KRT23: variants seen among roughly 807,000 people sequenced by gnomAD.
KRT23 encodes keratin, type I cytoskeletal 23.
In KRT23, 38 loss-of-function variants were observed where a neutral mutation model predicts 47.6. The ratio of observed to expected loss-of-function variants is 0.80; its 90% confidence interval spans 0.62 to 1.05. The LOEUF (loss-of-function observed/expected upper bound fraction) is 1.05. KRT23 is among the 50% of genes least tolerant of loss of function. The probability of loss-of-function intolerance (pLI) is 0.00; values close to 1 mark genes in which losing one functional copy is unlikely to be tolerated. For synonymous variants in KRT23, 191 were observed against 199.0 expected (o/e 0.96, Z 0.34); for missense variants, 503 against 529.5 (o/e 0.95, Z 0.49).
At position 40,922,824 on chromosome 17, in the gene KRT23, AG is replaced by A; in HGVS notation, c.*164del. On this transcript the variant is annotated 3_prime_UTR_variant, in exon 9 of 9. Transcript: ENST00000209718. ...TTGATTAGAAAAGTGCAATATATTA[AG>A]AGCATTATGAGAAGTCTGGTGAGAC... is the stretch of plus-strand genomic sequence containing the variant. The A allele has an allele frequency of 5.1e-6, 3 of 582,610 alleles. No individual in the cohort carries two copies. Among genetic ancestry groups the A allele is most frequent in the Non-Finnish European group, 9.2e-6 (3 of 327,414 alleles). 36.1% of individuals were successfully genotyped at this position (582,610 alleles called of 1,614,324 possible). A position where few individuals can be genotyped will look rare whatever the true frequency, so the allele number is the denominator to read the frequency against.
In KRT23 at chr17:40,931,481, A is replaced by C. The variant is rs369428343; in HGVS notation, c.397-26T>G. The stretch of plus-strand genomic sequence containing the variant: ...CTGTAAAACATGCACAAAAGCACAA[A>C]AGGTTATCTCACTTGGACACACCCA... On this transcript the variant is annotated intron_variant, in intron 2 of 8. Transcript: ENST00000209718. The C allele has an allele frequency of 5.5e-5, 86 of 1,565,770 alleles. No homozygotes were observed. In the African/African-American group the frequency reaches 1.1e-3, roughly 21 times the overall value.
At position 40,928,348 on chromosome 17, in the gene KRT23, A is replaced by G; in HGVS notation, c.811T>C (p.Ser271Pro). The change falls in exon 6 of 9, where the codon TCC becomes CCC. Residue 271 changes from serine (S) to proline (P), a missense_variant. Ser to Pro is a moderately conservative substitution (Grantham distance 74). Coordinates refer to ENST00000209718, the MANE Select transcript of KRT23 (RefSeq NM_015515.5). ...GTGGCTGGACTGGCTGCCTCCTGGG[A>G]CATGGCTGCAGACTGTGGGACCAAG... ...TWYKEQSAAMSQEAASPATVQ... is the reference protein window; with the variant it reads ...TWYKEQSAAMPQEAASPATVQ... 1.2e-6 allele frequency: 2 copies of G among 1,614,198 alleles called. No homozygotes were observed. Among genetic ancestry groups the G allele is most frequent in the Non-Finnish European group, 1.7e-6 (2 of 1,180,028 alleles).
At position 40,925,499 on chromosome 17, in the gene KRT23, T is replaced by C; in HGVS notation, c.997A>G (p.Ile333Val). ...GTCAGTTCCTCCTCATAGTGGGAGATGATCTCTTGCATGTCCTGGAGCTTG... is the reference window on the plus strand; with the variant it reads ...GTCAGTTCCTCCTCATAGTGGGAGACGATCTCTTGCATGTCCTGGAGCTTG... The part of the protein sequence containing the change: ...SCKLQDMQEI[I>V]SHYEEELTQL... The change falls in exon 7 of 9, where the codon ATC becomes GTC. Residue 333 changes from isoleucine (I) to valine (V), a missense_variant. Physicochemically the swap from Ile to Val is conservative, Grantham distance 29. Coordinates refer to ENST00000209718, the MANE Select transcript of KRT23 (RefSeq NM_015515.5). The C allele has an allele frequency of 6.2e-7, 1 of 1,614,194 alleles. No homozygotes were observed. Among genetic ancestry groups the C allele is most frequent in the Non-Finnish European group, 8.5e-7 (1 of 1,180,024 alleles).
At chr17:40,933,937 A>G (rs1159742428) in intron 2 of KRT23, among the ~76,000 whole-genome samples, 1 of 152,220 alleles carries the variant, frequency 6.6e-6, no homozygotes, top group East Asian at 1.9e-4. Flanking sequence ...TGTTTGATCT[A>G]CTAGGGAGAG....
At chr17:40,926,589 G>A (rs1357959880) in intron 6 of KRT23, among the ~76,000 whole-genome samples, 1 of 151,904 alleles carries the variant, frequency 6.6e-6, no homozygotes, top group Admixed American at 6.5e-5. Context: ...TGAGCTGTCT[G>A]TGCTCCAGTC....
In KRT23 at chr17:40,936,341, T is replaced by G; in HGVS notation, c.263A>C (p.Glu88Ala). 6.2e-7 allele frequency: 1 copy of G among 1,614,236 alleles called. No homozygotes were observed. The highest frequency in any genetic ancestry group is 8.5e-7 in the Non-Finnish European group (1 of 1,180,042). The change falls in exon 2 of 9, where the codon GAG becomes GCG. Residue 88 changes from glutamate to alanine, a missense_variant. Coordinates refer to ENST00000209718, the MANE Select transcript of KRT23 (RefSeq NM_015515.5). ...GGCCTCCTCCAGGGCGCGAACCTTC[T>G]CCAGGTAGGAGGCCAGGCGGTCGTT... Reference protein sequence around the residue: ...NLNDRLASYLEKVRALEEANM... With the variant: ...NLNDRLASYLAKVRALEEANM...
At chr17:40,937,102 C>CT (rs1449565762) in intron 1 of KRT23, 149 bp from the exon 2 acceptor site, 1 of 152,728 alleles carries the variant, frequency 6.5e-6, no homozygotes, top group Non-Finnish European at 1.5e-5. Flanking sequence ...ATACACACAC[C>CT]TTTTTCCACC....
rs188008541 is a variant in KRT23 at position 40,929,927 on chromosome 17, T to C, written c.636+13A>G. On this transcript the variant is annotated intron_variant, in intron 4 of 8. Transcript: ENST00000209718. ...AGCTGTGCTTATTAGCAGGTGTTCC[T>C]GGGGAGTTGTACCTGCTCATGGTGC... The C allele has an allele frequency of 5.6e-6, 9 of 1,612,998 alleles. No individual in the cohort carries two copies. The Admixed American group carries it at 1.3e-4, about 24-fold the overall frequency.
chr17:40,926,917 C>A (rs868499446), intron 6 of KRT23, among the ~76,000 whole-genome samples: 26 of 152,096 alleles, frequency 1.7e-4, no homozygotes, highest in Middle Eastern at 6.8e-3. Flanking sequence ...TCTCTCCTTT[C>A]TTCTTCCCTT....
At chr17:40,930,869 A>G in intron 3 of KRT23, among the ~76,000 whole-genome samples, 1 of 152,194 alleles carries the variant, frequency 6.6e-6, no homozygotes, top group East Asian at 1.9e-4. Context: ...CTTGATTCAT[A>G]TTCAAACTTC....
intron 2 of KRT23, among the ~76,000 whole-genome samples, chr17:40,932,764 G>A (rs1402938780): frequency 6.6e-6 from 1 of 152,160 alleles, no homozygotes; most frequent in Non-Finnish European, 1.5e-5. Flanking sequence ...CCTTTTAAAA[G>A]TCTGGTCCTA....
intron 4 of KRT23, among the ~76,000 whole-genome samples, chr17:40,928,983 C>T (rs529697896): frequency 1.4e-3 from 207 of 143,600 alleles, no homozygotes; most frequent in African/African-American, 5.1e-3. Flanking sequence ...GCCGAGATTG[C>T]GCCACTGCAC....
At chr17:40,925,952 G>C (rs1213467151) in intron 6 of KRT23, among the ~76,000 whole-genome samples, 1 of 152,174 alleles carries the variant, frequency 6.6e-6, no homozygotes, top group African/African-American at 2.4e-5. Context: ...AATTTCAGAT[G>C]AGTAATGAGT....
chr17:40,925,099 A>C, intron 7 of KRT23: 1 of 518,832 alleles, frequency 1.9e-6, no homozygotes, highest in South Asian at 3.1e-5. Flanking sequence ...ACAGTGGCCA[A>C]ATCCTTTTGA....
At position 40,936,799 on chromosome 17, in the gene KRT23, C is replaced by G; in HGVS notation, c.-196G>C. The G allele has an allele frequency of 2.2e-6, 1 of 451,328 alleles. No individual in the cohort carries two copies. The highest frequency in any genetic ancestry group is 2.0e-5 in the African/African-American group (1 of 49,402). The allele number at this position is 451,328 out of a possible 1,614,324, so 28.0% of individuals were successfully genotyped here. On this transcript the variant is annotated 5_prime_UTR_variant, in exon 2 of 9. Coordinates refer to ENST00000209718, the MANE Select transcript of KRT23 (RefSeq NM_015515.5). ...GGTCAATCCCAAAGTGCCCCTGGGC[C>G]TTCGCACACTGTTGTTGTTTAGAGC...
intron 1 of KRT23, 94 bp from the exon 2 acceptor site, chr17:40,937,047 A>G (rs71371459): frequency 0.01 from 1,555 of 154,040 alleles, 16 homozygotes; most frequent in African/African-American, 0.039. Context: ...AACCAAAACA[A>G]AACAACAACA....
intron 2 of KRT23, among the ~76,000 whole-genome samples, chr17:40,933,560 T>C (rs1008100865): frequency 6.6e-6 from 1 of 152,240 alleles, no homozygotes; most frequent in African/African-American, 2.4e-5. Flanking sequence ...ATACTGTCTA[T>C]GGGCTTATTT....
intron 2 of KRT23, 99 bp from the exon 3 acceptor site, chr17:40,931,554 T>G (rs189589837): frequency 1.2e-6 from 1 of 840,604 alleles, no homozygotes. Context: ...ATATTTGACT[T>G]GTTAGTACAG....
At chr17:40,933,930 T>C (rs1048642577) in intron 2 of KRT23, among the ~76,000 whole-genome samples, 9 of 152,230 alleles carry the variant, frequency 5.9e-5, no homozygotes, top group African/African-American at 1.7e-4. Context: ...TTCAGGATGT[T>C]TGATCTACTA....
Sources: allele counts gnomAD v4.1 joint callset (sites outside exome capture counted in the v4.1 genomes callset), GRCh38; gene constraint gnomAD v4.1.1; transcripts MANE v1.5; gene names NCBI Gene and HGNC (gene_info 2026-07-23, HGNC 2026-07-21).